PARVB: variants seen among roughly 807,000 people sequenced by gnomAD.
The protein encoded by PARVB is beta-parvin.
A neutral mutation model predicts 47.0 loss-of-function variants in PARVB; 46 were observed. That is an observed-to-expected ratio of 0.98 (90% confidence interval 0.77 to 1.25). The LOEUF (loss-of-function observed/expected upper bound fraction) is 1.25, where lower values mean the gene tolerates loss of function less well. PARVB is among the 50% of genes most tolerant of loss of function. PARVB has a pLI of 0.00. For missense variants in PARVB, 473 were observed against 471.6 expected (o/e 1.00, Z -0.03); for synonymous variants, 196 against 196.3 (o/e 1.00, Z 0.01).
intron 1 of PARVB, among the ~76,000 whole-genome samples, chr22:44,062,706 TA>T (rs1460995964): frequency 2.6e-5 from 4 of 151,118 alleles, no homozygotes; most frequent in African/African-American, 9.7e-5. Context: ...AAGGAGATGA[TA>T]AAGGGTGCAG....
At chr22:44,102,031 A>G (rs2052459131) in intron 3 of PARVB, among the ~76,000 whole-genome samples, 1 of 152,154 alleles carries the variant, frequency 6.6e-6, no homozygotes. Context: ...TTATTATGAT[A>G]TTGGCTCACT....
chr22:44,171,488 C>G lies in PARVB; in HGVS notation c.*2810C>G, dbSNP rs2054268069. The G allele has an allele frequency of 9.5e-6, 1 of 105,236 alleles. No homozygotes were observed. The highest frequency in any genetic ancestry group is 1.9e-5 in the Non-Finnish European group (1 of 51,412). The allele number at this position is 105,236 out of a possible 1,614,324, so 6.5% of individuals were successfully genotyped here. On this transcript the variant is annotated 3_prime_UTR_variant, in exon 13 of 13. Coordinates refer to ENST00000338758, the MANE Select transcript of PARVB (RefSeq NM_013327.5). ...CCAGCCTGAGCAACAGAGTGAGACT[C>G]TGTCTCAAAAAAAAAAAAGAAAGAA...
At chr22:44,082,608 A>G (rs2051930511) in intron 1 of PARVB, among the ~76,000 whole-genome samples, 1 of 152,196 alleles carries the variant, frequency 6.6e-6, no homozygotes, top group Non-Finnish European at 1.5e-5. Flanking sequence ...CATTGTCTCT[A>G]AAGAATGTGT....
chr22:44,074,015 G>GAA (rs1207440278), intron 1 of PARVB, among the ~76,000 whole-genome samples: 1 of 152,264 alleles, frequency 6.6e-6, no homozygotes, highest in Non-Finnish European at 1.5e-5. Flanking sequence ...GCTGGGCTCT[G>GAA]AGGATGCTGA....
chr22:44,064,869 G>A (rs532162340), intron 1 of PARVB, among the ~76,000 whole-genome samples: 59 of 152,288 alleles, frequency 3.9e-4, no homozygotes, highest in African/African-American at 1.4e-3. Context: ...AACAACAGCA[G>A]CAGAACATTA....
intron 8 of PARVB, chr22:44,142,379 A>C (rs1381348994): frequency 1.3e-3 from 10 of 7,870 alleles, no homozygotes; most frequent in Admixed American, 2.3e-3. Context: ...CTCTGTCTCA[A>C]AAAAAAAAAA....
At chr22:44,094,475 G>A (rs1357870555) in intron 2 of PARVB, among the ~76,000 whole-genome samples, 1 of 152,114 alleles carries the variant, frequency 6.6e-6, no homozygotes, top group African/African-American at 2.4e-5. Context: ...CAGGGCTAAT[G>A]CCTTTATTTG....
chr22:44,120,900 G>A (rs890132297), intron 4 of PARVB, among the ~76,000 whole-genome samples: 3 of 151,762 alleles, frequency 2.0e-5, no homozygotes, highest in African/African-American at 4.8e-5. Flanking sequence ...CTGGAGTGCA[G>A]TGGTGCGATC....
intron 1 of PARVB, among the ~76,000 whole-genome samples, chr22:44,037,703 G>C (rs73178469): frequency 0.011 from 1,746 of 152,296 alleles, 23 homozygotes; most frequent in Non-Finnish European, 0.015. Flanking sequence ...GCTTAAACTG[G>C]AAGAATGATT....
intron 2 of PARVB, among the ~76,000 whole-genome samples, chr22:44,012,531 T>C (rs947575036): frequency 2.0e-5 from 3 of 152,214 alleles, no homozygotes; most frequent in African/African-American, 7.2e-5. Flanking sequence ...ATAACACCAT[T>C]TCAAAATGCT....
At chr22:44,000,245 ATTGT>A (rs1334440051) in intron 2 of PARVB, among the ~76,000 whole-genome samples, 1 of 152,188 alleles carries the variant, frequency 6.6e-6, no homozygotes, top group Non-Finnish European at 1.5e-5. Context: ...CCAGAGATTG[ATTGT>A]TTTGCCTGTC....
chr22:44,075,924 G>A (rs1601564820), intron 1 of PARVB, among the ~76,000 whole-genome samples: 1 of 152,230 alleles, frequency 6.6e-6, no homozygotes, highest in East Asian at 1.9e-4. Context: ...TGGGATCAGA[G>A]CCCAGGCCCC....
chr22:44,171,073 G>A lies in PARVB; in HGVS notation c.*2395G>A, dbSNP rs2054263426. 1 of 152,282 alleles carries A rather than the reference G, an allele frequency of 6.6e-6. No homozygotes were observed. Among genetic ancestry groups the A allele is most frequent in the Admixed American group, 6.5e-5 (1 of 15,288 alleles). The allele number at this position is 152,282 out of a possible 1,614,324, so 9.4% of individuals were successfully genotyped here. On this transcript the variant is annotated 3_prime_UTR_variant, in exon 13 of 13. Transcript: ENST00000338758. ...CTGACAAAAAGCCTGGGGCTGGAACGTTCTGTGCTGCCTGCATGGCATGTA... is the reference window on the plus strand; with the variant it reads ...CTGACAAAAAGCCTGGGGCTGGAACATTCTGTGCTGCCTGCATGGCATGTA...
chr22:44,013,443 C>T (rs910125560), intron 2 of PARVB, among the ~76,000 whole-genome samples: 1 of 152,194 alleles, frequency 6.6e-6, no homozygotes, highest in Non-Finnish European at 1.5e-5. Context: ...CTGCACATCA[C>T]CCAGCCAGCC....
In PARVB at chr22:44,014,509, C is replaced by A. The variant is rs563243971; in HGVS notation, c.211+14836C>A. On this transcript the variant is annotated intron_variant, in intron 2 of 13. Transcript: ENST00000406477. Reference sequence around the variant, plus strand: ...TGGGGAGCATATTAAGAAGCAAAGACGGCATTGATGGAGAAGGAGCTAAGT... The same window carrying A: ...TGGGGAGCATATTAAGAAGCAAAGAAGGCATTGATGGAGAAGGAGCTAAGT... Among the ~76,000 whole-genome samples the A allele has an allele frequency of 5.9e-5, 9 of 152,310 alleles. 1 individual carries two copies. In the South Asian group the frequency reaches 1.0e-3, roughly 18 times the overall value.
intron 3 of PARVB, among the ~76,000 whole-genome samples, chr22:44,102,368 C>G (rs1052556759): frequency 5.9e-5 from 9 of 152,186 alleles, no homozygotes; most frequent in African/African-American, 2.2e-4. Context: ...TCTGGGCACC[C>G]CAGAGCCCAG....
At chr22:44,062,098 C>T (rs1360833207) in intron 1 of PARVB, among the ~76,000 whole-genome samples, 1 of 152,200 alleles carries the variant, frequency 6.6e-6, no homozygotes, top group Non-Finnish European at 1.5e-5. Flanking sequence ...ACTGTTCCTT[C>T]CCTCTGCTCA....
intron 1 of PARVB, among the ~76,000 whole-genome samples, chr22:44,025,582 G>A (rs1256922785): frequency 6.6e-6 from 1 of 152,126 alleles, no homozygotes; most frequent in East Asian, 1.9e-4. Context: ...GTTCCAAGAG[G>A]GCAGGGTCTT....
intron 4 of PARVB, among the ~76,000 whole-genome samples, chr22:44,120,236 G>A (rs1212533806): frequency 3.9e-5 from 6 of 152,238 alleles, no homozygotes; most frequent in African/African-American, 1.4e-4. Context: ...AGCCCTGGGG[G>A]TCTGGCTGAA....
Sources: allele counts gnomAD v4.1 joint callset (sites outside exome capture counted in the v4.1 genomes callset), GRCh38; gene constraint gnomAD v4.1.1; transcripts MANE v1.5; gene names NCBI Gene and HGNC (gene_info 2026-07-23, HGNC 2026-07-21).